CACNA1C: variants seen among roughly 807,000 people sequenced by gnomAD.
The protein encoded by CACNA1C is calcium voltage-gated channel subunit alpha1 C.
CACNA1C carries 30 observed loss-of-function variants against 229.0 expected under a neutral mutation model. That is an observed-to-expected ratio of 0.13 (90% CI 0.10 to 0.18). The LOEUF is 0.18. CACNA1C is among the 10% of genes least tolerant of loss of function. The pLI is 1.00. For missense variants in CACNA1C, 1,658 were observed against 2,845.0 expected, an observed-to-expected ratio of 0.58 and a Z score of 9.49; for synonymous variants, 1,114 against 1,132.5, an observed-to-expected ratio of 0.98 and a Z score of 0.33.
chr12:2,342,838 A>G (rs2096904425), intron 3 of CACNA1C, among the ~76,000 whole-genome samples: 1 of 152,156 alleles, frequency 6.6e-6, no homozygotes, highest in African/African-American at 2.4e-5. Context: ...TGATTTCTGT[A>G]GTTTGCCTCC....
rs1603448949 is a variant in CACNA1C at position 2,677,231 on chromosome 12, T to G, written c.4956+10T>G. The G allele has an allele frequency of 6.2e-7, 1 of 1,612,848 alleles. No individual in the cohort carries two copies. Among genetic ancestry groups the G allele is most frequent in the African/African-American group, 1.3e-5 (1 of 75,054 alleles). On this transcript the variant is annotated intron_variant, in intron 40 of 46. Coordinates refer to ENST00000399655, the MANE Select transcript of CACNA1C (RefSeq NM_000719.7). The surrounding 1 kb of genome is among the most constrained non-coding windows in gnomAD (Gnocchi z 7.4). ...CGCGCTGTCTCTGCAGGTGAGGGCC[T>G]GGGGGCGGGCCCACACTCCAGGAAG...
At chr12:2,150,264 T>A (rs1241132326) in intron 3 of CACNA1C, among the ~76,000 whole-genome samples, 1 of 152,162 alleles carries the variant, frequency 6.6e-6, no homozygotes, top group Non-Finnish European at 1.5e-5. Flanking sequence ...GTCTTGTCCT[T>A]GGTCTCTAGA....
intron 1 of CACNA1C, among the ~76,000 whole-genome samples, chr12:2,066,566 C>T (rs542612933): frequency 5.9e-5 from 9 of 152,154 alleles, no homozygotes; most frequent in Admixed American, 1.3e-4. Context: ...ACTGTTGTCC[C>T]GCCGAACTGT....
At chr12:2,080,566 A>C (rs1382382706) in intron 1 of CACNA1C, among the ~76,000 whole-genome samples, 2 of 151,504 alleles carry the variant, frequency 1.3e-5, no homozygotes, top group African/African-American at 2.4e-5. Flanking sequence ...GCGCCACTGC[A>C]CTCCAGCATG....
At position 2,654,848 on chromosome 12, in the gene CACNA1C, T is replaced by G. The variant is rs1193985870; in HGVS notation, c.4141-299T>G. On this transcript the variant is annotated intron_variant, in intron 33 of 46. Transcript: ENST00000399655. The surrounding 1 kb of genome is among the most constrained non-coding windows in gnomAD (Gnocchi z 4.4). ...ATAACGCAGTGCGTCCTGTGTCCTG[T>G]CAGAAGCAGGATCCCGGTCCCAGCA... Among the ~76,000 whole-genome samples, 1 of 152,188 alleles carries G rather than the reference T, an allele frequency of 6.6e-6. No individual in the cohort carries two copies. The highest frequency in any genetic ancestry group is 2.4e-5 in the African/African-American group (1 of 41,450).
intron 9 of CACNA1C, among the ~76,000 whole-genome samples, chr12:2,518,268 A>G (rs943165579): frequency 2.6e-5 from 4 of 152,178 alleles, no homozygotes; most frequent in African/African-American, 9.7e-5. Flanking sequence ...GCTGATTTAC[A>G]TTATTTTATA....
intron 1 of CACNA1C, chr12:2,004,523 A>C: frequency 6.7e-7 from 1 of 1,500,974 alleles, no homozygotes; most frequent in Non-Finnish European, 8.9e-7. Flanking sequence ...CCGAGAACCC[A>C]CGGCGACCAC....
intron 1 of CACNA1C, among the ~76,000 whole-genome samples, chr12:2,101,661 G>C (rs1024642459): frequency 6.6e-6 from 1 of 152,110 alleles, no homozygotes; most frequent in East Asian, 1.9e-4. Flanking sequence ...GGTGGAGTGC[G>C]AGCAGGTCCT....
At chr12:2,573,962 G>A (rs2057386843) in intron 13 of CACNA1C, among the ~76,000 whole-genome samples, 1 of 152,040 alleles carries the variant, frequency 6.6e-6, no homozygotes, top group Non-Finnish European at 1.5e-5. Flanking sequence ...TTTGTGTTTT[G>A]TCAAAATCTG....
At chr12:2,305,423 T>C (rs2154478521) in intron 3 of CACNA1C, among the ~76,000 whole-genome samples, 1 of 152,364 alleles carries the variant, frequency 6.6e-6, no homozygotes, top group South Asian at 2.1e-4. Context: ...TGACAGCATA[T>C]CTGTCCTTCT....
upstream of CACNA1C, among the ~76,000 whole-genome samples, chr12:2,051,926 T>C (rs2052322837): frequency 6.6e-6 from 1 of 152,146 alleles, no homozygotes; most frequent in Non-Finnish European, 1.5e-5. Context: ...ATGGTTAGGG[T>C]CACCCAGGGA....
intron 1 of CACNA1C, among the ~76,000 whole-genome samples, chr12:2,062,160 A>G (rs574590516): frequency 6.6e-6 from 1 of 152,338 alleles, no homozygotes; most frequent in Non-Finnish European, 1.5e-5. Context: ...CTAAAGAAAA[A>G]AAGCTGTATT....
intron 39 of CACNA1C, chr12:2,675,923 G>A (rs7974589): frequency 0.66 from 100,878 of 152,136 alleles, 37,337 homozygotes; most frequent in South Asian, 0.84. Context: ...CTTAAGAGGC[G>A]ACACCACTTG....
At position 2,345,513 on chromosome 12, in the gene CACNA1C, C is replaced by T. The variant is rs151202956; in HGVS notation, c.478-103463C>T. Among the ~76,000 whole-genome samples, 155 of 152,196 alleles carry T rather than the reference C, an allele frequency of 1.0e-3. 2 individuals are homozygous for T. The highest frequency in any genetic ancestry group is 3.6e-3 in the African/African-American group (148 of 41,522). On this transcript the variant is annotated intron_variant, in intron 3 of 46. Coordinates refer to ENST00000399655, the MANE Select transcript of CACNA1C (RefSeq NM_000719.7). ...AACTCAGTAACTTTTACAAATAACC[C>T]GGAAGTTAGATTTTGTTAATATCTC...
At chr12:2,308,798 CA>C (rs1226968900) in intron 3 of CACNA1C, among the ~76,000 whole-genome samples, 1 of 152,152 alleles carries the variant, frequency 6.6e-6, no homozygotes, top group Non-Finnish European at 1.5e-5. Flanking sequence ...ATCAAAACCC[CA>C]CACCTGTCAG....
intron 1 of CACNA1C, among the ~76,000 whole-genome samples, chr12:2,019,548 A>G (rs2046030354): frequency 6.7e-6 from 1 of 149,800 alleles, no homozygotes; most frequent in African/African-American, 2.5e-5. Context: ...GAAGGAAGGA[A>G]AGAAGGAAGG....
intron 3 of CACNA1C, among the ~76,000 whole-genome samples, chr12:2,448,568 G>A (rs954586373): frequency 2.0e-5 from 3 of 152,050 alleles, no homozygotes; most frequent in Admixed American, 6.6e-5. Context: ...ATCGGAGCGC[G>A]GTTTTCCAGG....
chr12:2,593,063 G>A lies in CACNA1C; in HGVS notation c.2531-150G>A. On this transcript the variant is annotated intron_variant, in intron 18 of 46. Transcript: ENST00000399655. ...TCTCCAGCAGAGATGAGCTGCAGCA[G>A]CACCCACAGGGAGACAGCAGAATGT... 8.7e-6 allele frequency: 7 copies of A among 806,430 alleles called. 1 individual carries two copies. The South Asian group carries it at 1.2e-4, about 14-fold the overall frequency. The allele number at this position is 806,430 out of a possible 1,614,324, so 50.0% of individuals were successfully genotyped here.
chr12:2,192,870 T>C (rs2097283831), intron 3 of CACNA1C, among the ~76,000 whole-genome samples: 1 of 152,200 alleles, frequency 6.6e-6, no homozygotes, highest in African/African-American at 2.4e-5. Context: ...AGCCAGAGTT[T>C]CATGCTGTGT....
Sources: gnomAD v4.1 joint callset for allele counts (sites outside exome capture counted in the v4.1 genomes callset) on GRCh38, gnomAD v4.1.1 for gene constraint, Gnocchi (gnomAD v3.1) non-coding constraint, MANE v1.5 for transcripts, NCBI Gene and HGNC (gene_info 2026-07-23, HGNC 2026-07-21) for gene names.